Variants in MTMR1 observed in about 807,000 individuals in gnomAD.
MTMR1 encodes myotubularin related protein 1.
A neutral mutation model predicts 51.6 loss-of-function variants in MTMR1; 17 were observed. The ratio of observed to expected loss-of-function variants is 0.33; its 90% CI spans 0.23 to 0.49. The LOEUF (loss-of-function observed/expected upper bound fraction) is 0.49. Among genes scored for constraint, MTMR1 ranks in the 20% least tolerant of loss-of-function variants. The pLI, the probability that MTMR1 is intolerant of heterozygous loss-of-function variation, is 0.99. For missense variants in MTMR1, 386 were observed against 526.9 expected (o/e 0.73, Z 2.62); for synonymous variants, 201 against 205.6 (o/e 0.98, Z 0.19).
chrX:150,698,605 G>C (rs999711712), intron 1 of MTMR1, among the ~76,000 whole-genome samples: 5 of 109,588 alleles, frequency 4.6e-5, no homozygotes, highest in Non-Finnish European at 7.6e-5. Context: ...GGGAGGCTAA[G>C]GCGGGTGGGT....
chrX:150,759,775 A>T (rs2043033767), intron 15 of MTMR1, among the ~76,000 whole-genome samples: 1 of 109,948 alleles, frequency 9.1e-6, no homozygotes, highest in Non-Finnish European at 1.9e-5. Context: ...AGCGCCTATA[A>T]CCTGCAGTCC....
chrX:150,726,464 A>G (rs1468294511), intron 4 of MTMR1, among the ~76,000 whole-genome samples: 1 of 111,944 alleles, frequency 8.9e-6, no homozygotes, highest in Non-Finnish European at 1.9e-5. Flanking sequence ...GAATCCCAGC[A>G]ATAGAAGGCT....
chrX:150,718,616 T>TCCAGGC lies in MTMR1; in HGVS notation c.277-9_277-8insCCAGGC. The TCCAGGC allele has an allele frequency of 3.0e-6, 2 of 656,629 alleles. No individual in the cohort carries two copies. Among genetic ancestry groups the TCCAGGC allele is most frequent in the African/African-American group, 3.0e-5 (1 of 33,722 alleles). 54.1% of individuals were successfully genotyped at this position (656,629 alleles called of 1,213,427 possible). A position where few individuals can be genotyped will look rare whatever the true frequency, so the allele number is the denominator to read the frequency against. On this transcript the variant is annotated splice_polypyrimidine_tract_variant and intron_variant, in intron 3 of 15. Transcript: ENST00000445323. ...TTTTTTTTTTTTTTTTTTTTTTTTT[T>TCCAGGC]TTTGCCAGGCTCTAAGGGATGGAAA...
chrX:150,694,430 T>C (rs1214717038), intron 1 of MTMR1, among the ~76,000 whole-genome samples: 1 of 111,584 alleles, frequency 9.0e-6, no homozygotes. Context: ...TGGCCTATCG[T>C]GTAACCCGGA....
rs2042245234 is a variant in MTMR1, at chrX:150,735,631, ATCT to A, written c.1081-959_1081-957del. On this transcript the variant is annotated intron_variant, in intron 10 of 15. Transcript: ENST00000445323. ...TCATCTCCACATTATGACCAGAGTG[ATCT>A]TCTTTTTTAAAAAAAACTTATTGTT... 17 of 351,278 alleles carry A rather than the reference ATCT, an allele frequency of 4.8e-5. No homozygotes were observed. In the East Asian group the frequency reaches 6.6e-4, roughly 14 times the overall value. The allele number at this position is 351,278 out of a possible 1,213,427, so 28.9% of individuals were successfully genotyped here.
intron 3 of MTMR1, among the ~76,000 whole-genome samples, chrX:150,714,307 C>T (rs1205567882): frequency 8.9e-5 from 10 of 112,171 alleles, no homozygotes; most frequent in African/African-American, 3.2e-4. Flanking sequence ...ATGTTATTTC[C>T]TTAACTCCAA....
chrX:150,712,238 G>A, intron 2 of MTMR1, 104 bp from the exon 3 acceptor site: 1 of 697,608 alleles, frequency 1.4e-6, no homozygotes, highest in Non-Finnish European at 2.2e-6. Context: ...TTACTTAGAG[G>A]ATTATGATGT....
intron 4 of MTMR1, among the ~76,000 whole-genome samples, chrX:150,726,206 G>A (rs1307022497): frequency 9.0e-6 from 1 of 111,533 alleles, no homozygotes; most frequent in African/African-American, 3.3e-5. Context: ...AATTGCGCAT[G>A]TGAGGAATCT....
At chrX:150,762,023 C>A (rs1380485467) in intron 15 of MTMR1, among the ~76,000 whole-genome samples, 1 of 112,862 alleles carries the variant, frequency 8.9e-6, no homozygotes, top group African/African-American at 3.2e-5. Flanking sequence ...CCTGCCGGCA[C>A]TGCCCGCTCC....
intron 4 of MTMR1, among the ~76,000 whole-genome samples, chrX:150,721,714 A>G (rs1209952095): frequency 9.0e-6 from 1 of 110,957 alleles, no homozygotes; most frequent in Non-Finnish European, 1.9e-5. Context: ...CTTCTCCAAG[A>G]GTCAGCTTTT....
chrX:150,711,282 A>T (rs2041297270), intron 2 of MTMR1, among the ~76,000 whole-genome samples: 1 of 112,335 alleles, frequency 8.9e-6, no homozygotes, highest in African/African-American at 3.2e-5. Context: ...CTTAATTCAG[A>T]TACCTTTTAA....
intron 3 of MTMR1, chrX:150,712,656 T>G (rs1357199514): frequency 1.0e-5 from 3 of 289,130 alleles, no homozygotes; most frequent in Non-Finnish European, 1.8e-5. Flanking sequence ...AAATGGATAT[T>G]CATGACTGGG....
At position 150,755,720 on chromosome X, in the gene MTMR1, C is replaced by T. The variant is rs1447955319; in HGVS notation, c.1712C>T (p.Ser571Leu). The T allele has an allele frequency of 2.5e-6, 3 of 1,199,849 alleles. No individual in the cohort carries two copies. The highest frequency in any genetic ancestry group is 2.3e-5 in the Admixed American group (1 of 43,618). ...TATACAAAGACGATATCTTTATGGTCGTATATCAATAGCCAGCTAGACGAG... is the reference window on the plus strand; with the variant it reads ...TATACAAAGACGATATCTTTATGGTTGTATATCAATAGCCAGCTAGACGAG... ...DVYTKTISLWSYINSQLDEFS... is the reference protein window; with the variant it reads ...DVYTKTISLWLYINSQLDEFS... Residue 571 changes from serine (S) to leucine (L), a missense_variant, in exon 15 of 16, where the codon TCG (serine) becomes TTG (leucine). Transcript: ENST00000445323.
intron 2 of MTMR1, among the ~76,000 whole-genome samples, chrX:150,710,429 C>T (rs1039261626): frequency 9.1e-6 from 1 of 110,234 alleles, no homozygotes; most frequent in Non-Finnish European, 1.9e-5. Context: ...TGTGTGATCT[C>T]GGCTCACTGC....
chrX:150,762,657 C>T lies in MTMR1; in HGVS notation c.1950C>T (p.Arg650=), dbSNP rs782415979. 43 of 1,208,144 alleles carry T rather than the reference C, an allele frequency of 3.6e-5. No individual in the cohort carries two copies. Among genetic ancestry groups the T allele is most frequent in the South Asian group, 2.7e-4 (15 of 56,569 alleles). The change falls in exon 16 of 16, where the codon CGC becomes CGT. Residue 650 remains arginine, a synonymous_variant. Transcript: ENST00000445323. ...GCCTACAGCGGGAGGTGGCCACGCG[C>T]GCCGTCTCATCCTCATCTGAGCGGG... ...VEGLQREVAT[R]AVSSSSERGS... is the part of the protein sequence containing the mutation.
At chrX:150,715,067 T>C (rs372685071) in intron 3 of MTMR1, among the ~76,000 whole-genome samples, 1 of 112,028 alleles carries the variant, frequency 8.9e-6, no homozygotes, top group East Asian at 2.8e-4. Flanking sequence ...CCAATGCTTA[T>C]GTGAAACAAA....
In MTMR1 at chrX:150,693,726, G is replaced by C. The variant is rs1408834168; in HGVS notation, c.146+50G>C. ...GCCTCCCGCGCCCCGACTCCCGAGGGCCCCGCGCGAGGCCAGCCCGCCCCC... is the reference window on the plus strand; with the variant it reads ...GCCTCCCGCGCCCCGACTCCCGAGGCCCCCGCGCGAGGCCAGCCCGCCCCC... On this transcript the variant is annotated intron_variant, in intron 1 of 15. Coordinates refer to ENST00000445323, the MANE Select transcript of MTMR1 (RefSeq NM_001306144.3). 2.2e-4 allele frequency: 164 copies of C among 737,483 alleles called. No homozygotes were observed. The South Asian group carries it at 1.0e-2, about 45-fold the overall frequency. The allele number at this position is 737,483 out of a possible 1,213,427, so 60.8% of individuals were successfully genotyped here. A position where few individuals can be genotyped will look rare whatever the true frequency, so the allele number is the denominator to read the frequency against.
At chrX:150,734,041 G>A (rs1160138981) in intron 10 of MTMR1, among the ~76,000 whole-genome samples, 2 of 112,351 alleles carry the variant, frequency 1.8e-5, no homozygotes, top group Non-Finnish European at 3.8e-5. Flanking sequence ...GGCCAATTCT[G>A]CTCCCTCTAA....
At chrX:150,718,584 C>CTTT (rs1557416476) in intron 3 of MTMR1, 41 bp from the exon 4 acceptor site, 5 of 136,852 alleles carry the variant, frequency 3.7e-5, no homozygotes, top group East Asian at 1.7e-4. Flanking sequence ...GTTTGGTGTC[C>CTTT]TTTTTTTTTT....
Sources: allele counts gnomAD v4.1 joint callset (sites outside exome capture counted in the v4.1 genomes callset), GRCh38; gene constraint gnomAD v4.1.1; transcripts MANE v1.5; gene names NCBI Gene and HGNC (gene_info 2026-07-23, HGNC 2026-07-21).